The following LYRM1 variants were observed in gnomAD, a reference collection of about 807,000 sequenced individuals.
LYRM1 encodes the protein LYR motif-containing protein 1.
LYRM1 carries 14 observed loss-of-function variants against 14.9 expected under a neutral mutation model. The ratio of observed to expected loss-of-function variants is 0.94; its 90% CI spans 0.62 to 1.47. LYRM1 has a LOEUF of 1.47. Ranked by LOEUF, LYRM1 falls within the 40% of genes most tolerant of loss-of-function variation. The pLI is 0.00. For synonymous variants in LYRM1, 43 were observed against 56.2 expected, an observed-to-expected ratio of 0.77 and a Z score of 1.05; for missense variants, 153 against 149.9, an observed-to-expected ratio of 1.02 and a Z score of -0.11.
At chr16:20,904,691 T>TTTTTTGTGTGTG (rs148224628) in intron 1 of LYRM1, among the ~76,000 whole-genome samples, 8 of 141,062 alleles carry the variant, frequency 5.7e-5, no homozygotes, top group Admixed American at 1.4e-4. Context: ...AAGTCTGTGG[T>TTTTTTGTGTGTG]TGTGTGTGTG....
intron 1 of LYRM1, among the ~76,000 whole-genome samples, chr16:20,913,317 GTTT>G (rs5816141): frequency 6.5e-5 from 8 of 123,292 alleles, no homozygotes; most frequent in Non-Finnish European, 1.4e-4. Flanking sequence ...TCTTTTCTTT[GTTT>G]TTTTTTTTTT....
chr16:20,907,910 A>T (rs535970429), intron 1 of LYRM1, among the ~76,000 whole-genome samples: 1 of 152,204 alleles, frequency 6.6e-6, no homozygotes, highest in South Asian at 2.1e-4. Flanking sequence ...ATGCCACTAG[A>T]ATATAAGCTC....
At chr16:20,907,709 G>A (rs2082390875) in intron 1 of LYRM1, among the ~76,000 whole-genome samples, 1 of 152,014 alleles carries the variant, frequency 6.6e-6, no homozygotes, top group African/African-American at 2.4e-5. Flanking sequence ...CTTTGCTCCT[G>A]TTGTTCCCTC....
intron 1 of LYRM1, among the ~76,000 whole-genome samples, chr16:20,906,623 A>G (rs1429776651): frequency 6.6e-6 from 1 of 152,240 alleles, no homozygotes; most frequent in Non-Finnish European, 1.5e-5. Flanking sequence ...GCAAAGCCTC[A>G]TGAGAGTCCA....
intron 1 of LYRM1, among the ~76,000 whole-genome samples, chr16:20,904,691 T>TTGTCTG (rs1555499202): frequency 7.1e-6 from 1 of 141,062 alleles, no homozygotes; most frequent in Non-Finnish European, 1.5e-5. Flanking sequence ...AAGTCTGTGG[T>TTGTCTG]TGTGTGTGTG....
At chr16:20,900,189 C>A (rs1231333356), upstream of LYRM1, 2 of 142,718 alleles carry the variant, frequency 1.4e-5, no homozygotes, top group Non-Finnish European at 3.1e-5. Flanking sequence ...AACTCCCCCC[C>A]TCCCCAAAAC....
At chr16:20,914,456 T>A (rs1045574408) in intron 1 of LYRM1, among the ~76,000 whole-genome samples, 2 of 16,718 alleles carry the variant, frequency 1.2e-4, no homozygotes, top group Non-Finnish European at 4.5e-4. Context: ...ACCTGGCTAA[T>A]TTTTTTTTTT....
intron 3 of LYRM1, 145 bp downstream of exon 3, chr16:20,920,359 T>G: frequency 1.4e-6 from 1 of 691,654 alleles, no homozygotes; most frequent in Non-Finnish European, 2.6e-6. Context: ...TATCATTGCA[T>G]GCTGCCAGCC....
Position 20,915,673 on chromosome 16 carries a change from A to G in LYRM1, c.118A>G (p.Ile40Val), listed in dbSNP as rs552623026. Reference sequence around the variant, plus strand: ...AGACACCATCAAAGAAAAACAGTACATACTAAATGAAGCCAGAACGCTGTT... The same window carrying G: ...AGACACCATCAAAGAAAAACAGTACGTACTAAATGAAGCCAGAACGCTGTT... ...MEDTIKEKQY[I>V]LNEARTLFRK... is the part of the protein sequence containing the mutation. Residue 40 changes from isoleucine (I) to valine (V), a missense_variant, in exon 2 of 4, where the codon ATA (isoleucine) becomes GTA (valine). By Grantham distance (29) the Ile-to-Val change is conservative. Transcript: ENST00000567954. The G allele has an allele frequency of 3.1e-6, 5 of 1,614,180 alleles. No homozygotes were observed. The South Asian group carries it at 3.3e-5, about 11-fold the overall frequency.
At chr16:20,910,100 G>A (rs891537716) in intron 1 of LYRM1, among the ~76,000 whole-genome samples, 1 of 152,340 alleles carries the variant, frequency 6.6e-6, no homozygotes, top group South Asian at 2.1e-4. Context: ...GATAGGGTTG[G>A]TCAGGTAAAA....
intron 2 of LYRM1, among the ~76,000 whole-genome samples, chr16:20,919,559 G>A (rs780362453): frequency 6.6e-6 from 1 of 152,092 alleles, no homozygotes; most frequent in Admixed American, 6.6e-5. Context: ...GATCCATAGC[G>A]GAATCATTTA....
rs555219118 is a variant in LYRM1, at chr16:20,924,362, C to G, written c.*246C>G. ...TCCTCACTGCAGTCACCTTTGGAAACAAGACCGAGGCCTGTAGAAGGAAAG... is the reference window on the plus strand; with the variant it reads ...TCCTCACTGCAGTCACCTTTGGAAAGAAGACCGAGGCCTGTAGAAGGAAAG... On this transcript the variant is annotated 3_prime_UTR_variant, in exon 4 of 4. Transcript: ENST00000567954. 8 of 360,142 alleles carry G rather than the reference C, an allele frequency of 2.2e-5. No individual in the cohort carries two copies. The highest frequency in any genetic ancestry group is 1.7e-4 in the African/African-American group (8 of 48,276). The allele number at this position is 360,142 out of a possible 1,614,324, so 22.3% of individuals were successfully genotyped here.
At chr16:20,914,359 G>A (rs1169458109) in intron 1 of LYRM1, among the ~76,000 whole-genome samples, 1 of 148,280 alleles carries the variant, frequency 6.7e-6, no homozygotes, top group East Asian at 2.0e-4. Flanking sequence ...TGCAATCTTG[G>A]CTCACTGCAA....
At chr16:20,907,669 C>A (rs2082389321) in intron 1 of LYRM1, among the ~76,000 whole-genome samples, 1 of 152,078 alleles carries the variant, frequency 6.6e-6, no homozygotes, top group Non-Finnish European at 1.5e-5. Flanking sequence ...GCCTCATGTT[C>A]ATCTTTGAAG....
chr16:20,923,483 A>G (rs1437868835), intron 3 of LYRM1, among the ~76,000 whole-genome samples: 1 of 135,984 alleles, frequency 7.4e-6, no homozygotes, highest in Non-Finnish European at 1.6e-5. Context: ...TGGGTGACAG[A>G]GTGAAACTGT....
intron 1 of LYRM1, among the ~76,000 whole-genome samples, chr16:20,903,134 A>G (rs1373640975): frequency 1.3e-5 from 2 of 152,232 alleles, no homozygotes; most frequent in Admixed American, 1.3e-4. Context: ...ATTGCCTGCA[A>G]ACATATTGTT....
intron 2 of LYRM1, among the ~76,000 whole-genome samples, chr16:20,917,498 G>A (rs1046211845): frequency 1.3e-5 from 2 of 152,060 alleles, no homozygotes; most frequent in South Asian, 2.1e-4. Context: ...GGTGGCTCAC[G>A]CCTATAATCC....
chr16:20,919,883 T>G (rs1424745055), intron 2 of LYRM1, among the ~76,000 whole-genome samples: 1 of 152,126 alleles, frequency 6.6e-6, no homozygotes, highest in Non-Finnish European at 1.5e-5. Flanking sequence ...AATAGAGGAG[T>G]AAGAGGGAAA....
chr16:20,918,301 C>T (rs189362134), intron 2 of LYRM1, among the ~76,000 whole-genome samples: 3 of 152,222 alleles, frequency 2.0e-5, no homozygotes, highest in Non-Finnish European at 4.4e-5. Flanking sequence ...TCCTTTGCCT[C>T]GGCTTGGATT....
Sources: gnomAD v4.1 joint callset for allele counts (sites outside exome capture counted in the v4.1 genomes callset) on GRCh38, gnomAD v4.1.1 for gene constraint, MANE v1.5 for transcripts, NCBI Gene and HGNC (gene_info 2026-07-23, HGNC 2026-07-21) for gene names.